SANBR: variants seen among roughly 807,000 people sequenced by gnomAD.
SANBR encodes SANT and BTB domain regulator of class switch recombination.
A neutral mutation model predicts 101.8 loss-of-function variants in SANBR; 77 were observed. That is an observed-to-expected ratio of 0.76 (90% CI 0.63 to 0.91). The LOEUF (loss-of-function observed/expected upper bound fraction) is 0.91. Among genes scored for constraint, SANBR ranks in the 40% least tolerant of loss-of-function variants. The pLI is 0.00. For missense variants in SANBR, 875 were observed against 853.0 expected, an observed-to-expected ratio of 1.03 and a Z score of -0.32; for synonymous variants, 279 against 274.7, an observed-to-expected ratio of 1.02 and a Z score of -0.15.
At position 61,077,016 on chromosome 2, in the gene SANBR, T is replaced by C. The variant is rs141383054; in HGVS notation, c.528T>C (p.Phe176=). The C allele has an allele frequency of 2.1e-5, 34 of 1,614,012 alleles. No individual in the cohort carries two copies. Among genetic ancestry groups the C allele is most frequent in the Non-Finnish European group, 2.9e-5 (34 of 1,179,994 alleles). ...RDLLISEMKY[F]AEYLSMDAQR... is the part of the protein sequence containing the mutation. ...TTTTGATATCAGAAATGAAGTACTT[T>C]GCTGAATATTTATCTATGGATGCCC... Residue 176 remains phenylalanine (F), a synonymous_variant, in exon 6 of 22, where the codon TTT becomes TTC. Transcript: ENST00000402291.
At chr2:61,097,973 C>T (rs1683108749) in intron 12 of SANBR, 121 bp downstream of exon 12, 1 of 682,232 alleles carries the variant, frequency 1.5e-6, no homozygotes, top group African/African-American at 1.8e-5. Flanking sequence ...CTTTATAACA[C>T]TCCCCCATTT....
intron 7 of SANBR, among the ~76,000 whole-genome samples, chr2:61,082,381 A>G (rs954037619): frequency 1.9e-4 from 29 of 152,338 alleles, no homozygotes; most frequent in Non-Finnish European, 7.3e-5. Context: ...CTTTTAAAGT[A>G]AATAAACATA....
chr2:61,121,516 GCCAACT>G (rs950073616), intron 21 of SANBR: 3 of 334,382 alleles, frequency 9.0e-6, no homozygotes, highest in Non-Finnish European at 1.7e-5. Context: ...TTCATTCTGA[GCCAACT>G]CCTGATAAAA....
chr2:61,087,913 A>G (rs561416520), intron 8 of SANBR, among the ~76,000 whole-genome samples: 58 of 152,202 alleles, frequency 3.8e-4, no homozygotes, highest in Admixed American at 1.5e-3. Context: ...CTATTTATCA[A>G]TCTTATTTTT....
rs369897551 is a variant in SANBR at position 61,098,889 on chromosome 2, A to G, written c.1365+1037A>G. 2.0e-5 allele frequency among the ~76,000 whole-genome samples: 3 copies of G among 152,208 alleles called. No homozygotes were observed. The East Asian group carries it at 5.8e-4, about 29-fold the overall frequency. ...GAGGCAGTAATAACAAAAGGGAAAA[A>G]AGCACCCAAAGAAATGTTTGAAGAC... On this transcript the variant is annotated intron_variant, in intron 12 of 21. Transcript: ENST00000402291.
chr2:61,115,759 A>AAG (rs1173715542), intron 16 of SANBR: 6 of 336,298 alleles, frequency 1.8e-5, no homozygotes, highest in Middle Eastern at 8.7e-4. Flanking sequence ...CTCAAAAAAA[A>AAG]AGAAAAAGAA....
intron 12 of SANBR, among the ~76,000 whole-genome samples, chr2:61,102,357 CTG>C (rs1683328363): frequency 2.0e-5 from 2 of 97,710 alleles, no homozygotes; most frequent in African/African-American, 4.7e-5. Context: ...CAGAGCAAGA[CTG>C]TGTCTCAAAA....
Position 61,115,855 on chromosome 2 carries a change from A to G in SANBR, c.1745-124A>G, listed in dbSNP as rs958927593. The G allele has an allele frequency of 5.1e-6, 3 of 585,884 alleles. No homozygotes were observed. In the African/African-American group the frequency reaches 5.7e-5, roughly 11 times the overall value. The allele number at this position is 585,884 out of a possible 1,614,324, so 36.3% of individuals were successfully genotyped here. On this transcript the variant is annotated intron_variant, in intron 16 of 21. Transcript: ENST00000402291. ...TTCATGGTATATTTGCTTTCTATCCAGAGGTTAATTTGTTAGTTTTCTTAA... is the reference window on the plus strand; with the variant it reads ...TTCATGGTATATTTGCTTTCTATCCGGAGGTTAATTTGTTAGTTTTCTTAA...
chr2:61,089,424 T>TGAACC (rs1474239099), intron 10 of SANBR: 1 of 152,534 alleles, frequency 6.6e-6, no homozygotes, highest in African/African-American at 2.4e-5. Context: ...GGGACTCACT[T>TGAACC]GAACCCAGGA....
At chr2:61,071,480 G>T in intron 3 of SANBR, 126 bp from the exon 4 acceptor site, 1 of 465,212 alleles carries the variant, frequency 2.1e-6, no homozygotes, top group Non-Finnish European at 3.6e-6. Flanking sequence ...AACCCGGGAG[G>T]CGGAGGTTGC....
intron 3 of SANBR, among the ~76,000 whole-genome samples, chr2:61,070,868 A>G (rs2104842259): frequency 6.6e-6 from 1 of 151,458 alleles, no homozygotes; most frequent in African/African-American, 2.4e-5. Flanking sequence ...CGACCTTTGA[A>G]GCTTAAGTGA....
At chr2:61,088,944 G>A in intron 10 of SANBR, 11 of 886,564 alleles carry the variant, frequency 1.2e-5, no homozygotes, top group Non-Finnish European at 1.5e-5. Context: ...TCTAAACAAG[G>A]TAGTTGTTAG....
chr2:61,129,645 G>A (rs1436360254), intron 20 of SANBR, among the ~76,000 whole-genome samples: 2 of 152,040 alleles, frequency 1.3e-5, no homozygotes, highest in East Asian at 3.8e-4. Flanking sequence ...GAACAAAGGA[G>A]GTGGATGGGA....
intron 5 of SANBR, among the ~76,000 whole-genome samples, chr2:61,076,596 C>G (rs764267245): frequency 2.6e-4 from 39 of 149,014 alleles, no homozygotes; most frequent in Non-Finnish European, 5.2e-4. Context: ...TCACTGCAGT[C>G]CAGCCTGGGT....
At chr2:61,121,132 C>A in intron 20 of SANBR, 53 bp from the exon 21 acceptor site, 1 of 1,222,030 alleles carries the variant, frequency 8.2e-7, no homozygotes, top group Non-Finnish European at 1.2e-6. Flanking sequence ...TTTAATAAAG[C>A]AGAGCTTCTA....
At chr2:61,103,694 T>A (rs1683402448) in intron 12 of SANBR, among the ~76,000 whole-genome samples, 159 bp from the exon 13 acceptor site, 1 of 152,250 alleles carries the variant, frequency 6.6e-6, no homozygotes, top group African/African-American at 2.4e-5. Context: ...CATACAGTTA[T>A]GATTGAATCT....
chr2:61,071,842 G>T, intron 4 of SANBR, 50 bp downstream of exon 4: 3 of 1,135,142 alleles, frequency 2.6e-6, no homozygotes, highest in South Asian at 1.4e-5. Flanking sequence ...AAATTCTGCA[G>T]AATATTATAT....
intron 16 of SANBR, among the ~76,000 whole-genome samples, chr2:61,114,610 CAT>C (rs535209535): frequency 6.6e-6 from 1 of 152,084 alleles, no homozygotes; most frequent in Non-Finnish European, 1.5e-5. Context: ...ATTGGACTTG[CAT>C]ATATATATGT....
At chr2:61,104,903 C>G (rs1036725913) in intron 13 of SANBR, among the ~76,000 whole-genome samples, 4 of 140,294 alleles carry the variant, frequency 2.9e-5, no homozygotes, top group African/African-American at 1.1e-4. Context: ...ACCCCATGAT[C>G]ATTGATCAAC....
Sources: allele counts gnomAD v4.1 joint callset (sites outside exome capture counted in the v4.1 genomes callset), GRCh38; gene constraint gnomAD v4.1.1; transcripts MANE v1.5; gene names NCBI Gene and HGNC (gene_info 2026-07-23, HGNC 2026-07-21).